NAALADL2: variants seen among roughly 807,000 people sequenced by gnomAD.
The protein encoded by NAALADL2 is inactive N-acetylated-alpha-linked acidic dipeptidase-like protein 2.
A neutral mutation model predicts 87.2 loss-of-function variants in NAALADL2; 76 were observed. The ratio of observed to expected loss-of-function variants is 0.87; its 90% CI spans 0.72 to 1.05. The LOEUF is 1.05. Ranked by LOEUF, NAALADL2 falls within the 50% of genes least tolerant of loss-of-function variation. The pLI, the probability that NAALADL2 is intolerant of heterozygous loss-of-function variation, is 0.00. For synonymous variants in NAALADL2, 354 were observed against 331.0 expected (o/e 1.07, Z -0.75); for missense variants, 1,089 against 945.8 (o/e 1.15, Z -1.99).
At chr3:175,647,828 G>A (rs1351611087) in intron 11 of NAALADL2, among the ~76,000 whole-genome samples, 1 of 152,088 alleles carries the variant, frequency 6.6e-6, no homozygotes, top group Admixed American at 6.6e-5. Flanking sequence ...TGGCATTATG[G>A]CAAAAAGAAA....
chr3:174,803,503 G>A (rs535218913), intron 3 of NAALADL2, among the ~76,000 whole-genome samples: 1 of 151,968 alleles, frequency 6.6e-6, no homozygotes, highest in African/African-American at 2.4e-5. Flanking sequence ...GTCAATTGTG[G>A]CTTTTGTTGC....
At chr3:175,337,796 A>G (rs745597794) in intron 5 of NAALADL2, among the ~76,000 whole-genome samples, 3 of 152,148 alleles carry the variant, frequency 2.0e-5, no homozygotes, top group Non-Finnish European at 4.4e-5. Flanking sequence ...TCCTATTTTC[A>G]CCATCTTCTA....
At chr3:175,145,159 A>G (rs1263194803) in intron 2 of NAALADL2, among the ~76,000 whole-genome samples, 1 of 151,994 alleles carries the variant, frequency 6.6e-6, no homozygotes, top group Non-Finnish European at 1.5e-5. Context: ...CTTATTCTTC[A>G]TTTAGGTGGT....
intron 1 of NAALADL2, among the ~76,000 whole-genome samples, chr3:174,495,633 A>T (rs1718483078): frequency 6.7e-6 from 1 of 148,378 alleles, no homozygotes; most frequent in Non-Finnish European, 1.5e-5. Flanking sequence ...ACGAAGGGCA[A>T]TGTAAATGGA....
intron 3 of NAALADL2, among the ~76,000 whole-genome samples, chr3:175,238,260 A>G (rs1018914738): frequency 7.2e-5 from 11 of 152,246 alleles, no homozygotes; most frequent in Non-Finnish European, 1.3e-4. Flanking sequence ...GTGTATTAAA[A>G]CTGCCTTTTT....
intron 10 of NAALADL2, among the ~76,000 whole-genome samples, chr3:175,607,819 G>T (rs1157006278): frequency 6.6e-6 from 1 of 151,838 alleles, no homozygotes; most frequent in African/African-American, 2.4e-5. Context: ...AAGCATCCGT[G>T]AGTTTTAATC....
At chr3:175,328,205 C>G (rs1760976438) in intron 5 of NAALADL2, among the ~76,000 whole-genome samples, 1 of 151,364 alleles carries the variant, frequency 6.6e-6, no homozygotes, top group Non-Finnish European at 1.5e-5. Flanking sequence ...CTTTTGATCT[C>G]CATCATACCA....
chr3:175,013,267 TTATATATATACATA>T (rs1200776905), intron 1 of NAALADL2, among the ~76,000 whole-genome samples: 3 of 109,222 alleles, frequency 2.7e-5, no homozygotes, highest in African/African-American at 1.3e-4. Context: ...ACATATATTT[TTATATATATACATA>T]TATATATATA....
At chr3:175,143,137 T>C (rs1730244690) in intron 2 of NAALADL2, among the ~76,000 whole-genome samples, 1 of 151,966 alleles carries the variant, frequency 6.6e-6, no homozygotes, top group Admixed American at 6.6e-5. Context: ...ATCGTAATAC[T>C]TGCCATGAAG....
intron 13 of NAALADL2, among the ~76,000 whole-genome samples, chr3:175,797,642 C>T (rs1753664850): frequency 1.3e-5 from 2 of 152,030 alleles, no homozygotes; most frequent in South Asian, 2.1e-4. Flanking sequence ...CCTAGTCTTT[C>T]CCAATCTGAA....
chr3:174,613,583 C>G (rs1720155293), intron 2 of NAALADL2, among the ~76,000 whole-genome samples: 1 of 152,178 alleles, frequency 6.6e-6, no homozygotes. Context: ...ACAATGGGGA[C>G]AACTGCCAGG....
Position 175,096,813 on chromosome 3 carries a change from G to A in NAALADL2, c.67G>A (p.Val23Ile), listed in dbSNP as rs749267511. The A allele has an allele frequency of 2.5e-6, 4 of 1,586,974 alleles. No homozygotes were observed. Among genetic ancestry groups the A allele is most frequent in the Non-Finnish European group, 3.4e-6 (4 of 1,167,700 alleles). ...LQGKKMAYQK[V>I]HADQRAPGHS... ...AGGTAAAAAGATGGCCTATCAGAAG[G>A]TCCATGCAGATCAAAGAGCTCCAGG... Residue 23 changes from valine to isoleucine, a missense_variant, in exon 2 of 14, where the codon GTC becomes ATC. Val to Ile is a conservative substitution (Grantham distance 29). Coordinates refer to ENST00000454872, the MANE Select transcript of NAALADL2 (RefSeq NM_207015.3).
At chr3:175,623,235 C>A (rs1726482575) in intron 10 of NAALADL2, among the ~76,000 whole-genome samples, 2 of 147,338 alleles carry the variant, frequency 1.4e-5, no homozygotes, top group African/African-American at 5.0e-5. Context: ...ATCTAGAAAA[C>A]CGAATTTATT....
At chr3:175,336,744 A>G (rs1379080893) in intron 5 of NAALADL2, among the ~76,000 whole-genome samples, 1 of 152,180 alleles carries the variant, frequency 6.6e-6, no homozygotes, top group African/African-American at 2.4e-5. Context: ...ATCCCAACTA[A>G]TCTTTTCCTC....
chr3:175,062,324 G>T (rs1244576297), intron 1 of NAALADL2, among the ~76,000 whole-genome samples: 1 of 152,108 alleles, frequency 6.6e-6, no homozygotes, highest in Admixed American at 6.6e-5. Context: ...CTCATTCTAT[G>T]GCAATCTTAT....
At chr3:174,493,470 A>T (rs1387854968) in intron 1 of NAALADL2, among the ~76,000 whole-genome samples, 2 of 152,220 alleles carry the variant, frequency 1.3e-5, no homozygotes, top group African/African-American at 2.4e-5. Flanking sequence ...GTTATTCCCC[A>T]TAGTCCTCAG....
chr3:174,736,750 A>AGG (rs1016538635), intron 2 of NAALADL2, among the ~76,000 whole-genome samples: 2 of 152,240 alleles, frequency 1.3e-5, no homozygotes, highest in African/African-American at 4.8e-5. Context: ...CCTGGCTTGA[A>AGG]GGTGCAGTTT....
intron 11 of NAALADL2, among the ~76,000 whole-genome samples, chr3:175,661,353 C>CTT (rs563585585): frequency 7.0e-6 from 1 of 143,460 alleles, no homozygotes; most frequent in Non-Finnish European, 1.5e-5. Flanking sequence ...TTAAATCAGA[C>CTT]TTTTTTTTTT....
rs550929426 is a variant in NAALADL2, at chr3:175,159,937, A to T, written c.545+62646A>T. 6.4e-4 allele frequency among the ~76,000 whole-genome samples: 97 copies of T among 150,892 alleles called. 1 individual carries two copies. The highest frequency in any genetic ancestry group is 6.8e-4 in the African/African-American group (28 of 41,100). ...CTGCAGCCTCTGCCTCCCAGCTTCA[A>T]GCAATTCTCCTGCGTCAGCCTTCCT... On this transcript the variant is annotated intron_variant, in intron 2 of 13. Coordinates refer to ENST00000454872, the MANE Select transcript of NAALADL2 (RefSeq NM_207015.3).
Sources: gnomAD v4.1 joint callset for allele counts (sites outside exome capture counted in the v4.1 genomes callset) on GRCh38, gnomAD v4.1.1 for gene constraint, MANE v1.5 for transcripts, NCBI Gene and HGNC (gene_info 2026-07-23, HGNC 2026-07-21) for gene names.